The following COL26A1 variants were observed in gnomAD, a reference collection of about 807,000 sequenced individuals.
The protein encoded by COL26A1 is collagen alpha-1(XXVI) chain.
In COL26A1, 41 loss-of-function variants were observed where a neutral mutation model predicts 59.3. The observed-to-expected ratio is 0.69, with a 90% CI of 0.54 to 0.90. The LOEUF is 0.90. Ranked by LOEUF, COL26A1 falls within the 40% of genes least tolerant of loss-of-function variation. The probability of loss-of-function intolerance (pLI) is 0.00; values close to 1 mark genes in which losing one functional copy is unlikely to be tolerated. For synonymous variants in COL26A1, 266 were observed against 256.0 expected (o/e 1.04, Z -0.37); for missense variants, 612 against 602.3 (o/e 1.02, Z -0.17).
intron 1 of COL26A1, among the ~76,000 whole-genome samples, chr7:101,389,950 G>T (rs1210954608): frequency 1.3e-5 from 2 of 152,052 alleles, no homozygotes; most frequent in Non-Finnish European, 2.9e-5. Flanking sequence ...CTTGTATTCT[G>T]TGAGTTGCCT....
intron 3 of COL26A1, 28 bp from the exon 4 acceptor site, chr7:101,533,054 T>TGTCTTCCTAGGGTCTACA (rs1795402113): frequency 6.4e-7 from 1 of 1,571,284 alleles, no homozygotes; most frequent in South Asian, 1.2e-5. Flanking sequence ...TACACTCTGC[T>TGTCTTCCTAGGGTCTACA]CTCATATAAG....
At chr7:101,395,453 A>C (rs1029336136) in intron 1 of COL26A1, among the ~76,000 whole-genome samples, 1 of 152,226 alleles carries the variant, frequency 6.6e-6, no homozygotes, top group African/African-American at 2.4e-5. Flanking sequence ...ACAAATGAGT[A>C]GAAGTGCCTT....
intron 3 of COL26A1, among the ~76,000 whole-genome samples, chr7:101,510,519 T>G (rs1794899677): frequency 6.6e-6 from 1 of 152,180 alleles, no homozygotes; most frequent in African/African-American, 2.4e-5. Context: ...CACCTGCTAT[T>G]CCTGCCTTCT....
rs373938643 is a variant in COL26A1, at chr7:101,545,391, G to T, written c.757G>T (p.Gly253Cys). 2.5e-6 allele frequency: 4 copies of T among 1,589,582 alleles called. No homozygotes were observed. The highest frequency in any genetic ancestry group is 3.4e-6 in the Non-Finnish European group (4 of 1,171,540). ...RGLPGEMGRP[G>C]PPGPPGPAGN... ...GCTTCCTGGAGAGATGGGGCGCCCC[G>T]GCCCCCCAGGACCACCCGGCCCAGC... Residue 253 changes from glycine to cysteine, a missense_variant, in exon 7 of 13, where the codon GGC becomes TGC. By Grantham distance (159) the Gly-to-Cys change is radical (BLOSUM62 -3). Transcript: ENST00000313669.
At chr7:101,540,150 G>C in intron 5 of COL26A1, 101 bp downstream of exon 5, 1 of 1,214,666 alleles carries the variant, frequency 8.2e-7, no homozygotes, top group Non-Finnish European at 1.1e-6. Context: ...AGACACTCTA[G>C]TTCCAACATG....
At chr7:101,436,966 G>T (rs1299687034) in intron 2 of COL26A1, among the ~76,000 whole-genome samples, 1 of 152,074 alleles carries the variant, frequency 6.6e-6, no homozygotes, top group African/African-American at 2.4e-5. Context: ...CGCCCGCCTT[G>T]ACCTCCCAAA....
intron 3 of COL26A1, among the ~76,000 whole-genome samples, chr7:101,495,916 A>G (rs1322402021): frequency 6.8e-6 from 1 of 147,378 alleles, no homozygotes; most frequent in East Asian, 2.0e-4. Context: ...CAACATAGTA[A>G]GACCCTGTCT....
intron 3 of COL26A1, among the ~76,000 whole-genome samples, chr7:101,470,521 G>C (rs974567072): frequency 1.3e-5 from 2 of 151,908 alleles, no homozygotes; most frequent in African/African-American, 4.8e-5. Context: ...TTTGGGGGCT[G>C]CTTTTTGTTA....
At chr7:101,459,311 G>T (rs1278676970) in intron 3 of COL26A1, among the ~76,000 whole-genome samples, 2 of 151,676 alleles carry the variant, frequency 1.3e-5, no homozygotes, top group Admixed American at 6.6e-5. Context: ...TTTGTTGTTT[G>T]TTTTTTGAGA....
chr7:101,496,004 C>T (rs188397604), intron 3 of COL26A1, among the ~76,000 whole-genome samples: 1 of 152,078 alleles, frequency 6.6e-6, no homozygotes, highest in African/African-American at 2.4e-5. Flanking sequence ...TCACTTGAGC[C>T]CAGGAGATTG....
chr7:101,478,262 T>G (rs1794090927), intron 3 of COL26A1, among the ~76,000 whole-genome samples: 1 of 152,186 alleles, frequency 6.6e-6, no homozygotes, highest in South Asian at 2.1e-4. Context: ...ATTACAGGCA[T>G]GAGCCGCCAC....
At chr7:101,370,748 C>T (rs554466383) in intron 1 of COL26A1, among the ~76,000 whole-genome samples, 33 of 152,256 alleles carry the variant, frequency 2.2e-4, no homozygotes, top group Non-Finnish European at 4.3e-4. Context: ...TTCGTCTAAG[C>T]CAAAGTGCTT....
chr7:101,461,893 C>T (rs1263827240), intron 3 of COL26A1, among the ~76,000 whole-genome samples: 1 of 152,100 alleles, frequency 6.6e-6, no homozygotes, highest in Admixed American at 6.5e-5. Context: ...CCACTCCAGC[C>T]CTCACCGTTG....
Position 101,521,141 on chromosome 7 carries a change from G to A in COL26A1, c.386-11941G>A, listed in dbSNP as rs556129120. Among the ~76,000 whole-genome samples the A allele has an allele frequency of 3.3e-5, 5 of 152,276 alleles. No homozygotes were observed. In the South Asian group the frequency reaches 1.0e-3, roughly 32 times the overall value. On this transcript the variant is annotated intron_variant, in intron 3 of 12. Transcript: ENST00000313669. The stretch of plus-strand genomic sequence containing the variant: ...GCAGCAGGAGAGAGAATGTGTGCAG[G>A]GGGAACTGCCACTTTTTAAACCATC...
At chr7:101,445,715 G>A (rs1242510582) in intron 2 of COL26A1, among the ~76,000 whole-genome samples, 3 of 101,628 alleles carry the variant, frequency 3.0e-5, no homozygotes, top group Non-Finnish European at 3.6e-5. Flanking sequence ...CTGGGCGACA[G>A]AGCGAGACTC....
chr7:101,536,966 G>C (rs1795495526), intron 4 of COL26A1, among the ~76,000 whole-genome samples: 1 of 152,214 alleles, frequency 6.6e-6, no homozygotes, highest in South Asian at 2.1e-4. Context: ...AGCCTGTGCT[G>C]GGGCAATGTG....
intron 11 of COL26A1, among the ~76,000 whole-genome samples, chr7:101,554,729 G>C (rs1279042637): frequency 6.6e-6 from 1 of 152,022 alleles, no homozygotes; most frequent in Non-Finnish European, 1.5e-5. Context: ...GGGTGACAAA[G>C]CAAGACCTTG....
intron 3 of COL26A1, among the ~76,000 whole-genome samples, chr7:101,514,366 TA>T (rs1401961488): frequency 3.3e-5 from 5 of 151,238 alleles, no homozygotes; most frequent in African/African-American, 9.7e-5. Context: ...ATAAAAACAA[TA>T]AAAAAAATAA....
chr7:101,401,402 A>G (rs1294687242), intron 1 of COL26A1, among the ~76,000 whole-genome samples: 3 of 151,940 alleles, frequency 2.0e-5, no homozygotes, highest in Admixed American at 6.6e-5. Context: ...AGGAGGAGGA[A>G]GAAGAAGAGG....
Sources: allele counts gnomAD v4.1 joint callset (sites outside exome capture counted in the v4.1 genomes callset), GRCh38; gene constraint gnomAD v4.1.1; transcripts MANE v1.5; gene names NCBI Gene and HGNC (gene_info 2026-07-23, HGNC 2026-07-21).